Variants in GRIN2B observed in about 807,000 individuals in gnomAD.
GRIN2B encodes glutamate ionotropic receptor NMDA type subunit 2B.
GRIN2B carries 5 observed loss-of-function variants against 114.5 expected under a neutral mutation model. That is an observed-to-expected ratio of 0.04 (90% CI 0.02 to 0.09). The LOEUF (loss-of-function observed/expected upper bound fraction) is 0.09, where lower values mean the gene tolerates loss of function less well. Ranked by LOEUF, GRIN2B falls within the 10% of genes least tolerant of loss-of-function variation. The pLI, the probability that GRIN2B is intolerant of heterozygous loss-of-function variation, is 1.00. For synonymous variants in GRIN2B, 787 were observed against 745.1 expected (o/e 1.06, Z -0.92); for missense variants, 1,108 against 1,943.5 (o/e 0.57, Z 8.08).
intron 2 of GRIN2B, among the ~76,000 whole-genome samples, chr12:13,965,848 C>T (rs984419954): frequency 2.0e-5 from 3 of 152,158 alleles, no homozygotes; most frequent in African/African-American, 7.2e-5. Flanking sequence ...CATGATATGT[C>T]AATCTTTCTT....
intron 4 of GRIN2B, among the ~76,000 whole-genome samples, chr12:13,723,554 G>A (rs2136595753): frequency 6.6e-6 from 1 of 151,632 alleles, no homozygotes; most frequent in South Asian, 2.1e-4. Flanking sequence ...TAAGATAACT[G>A]GCATTAGGAG....
chr12:13,734,257 A>T (rs1404848850), intron 4 of GRIN2B, among the ~76,000 whole-genome samples: 1 of 152,216 alleles, frequency 6.6e-6, no homozygotes, highest in Non-Finnish European at 1.5e-5. Flanking sequence ...TTGTTATAGA[A>T]ATCTAGGCAC....
intron 3 of GRIN2B, among the ~76,000 whole-genome samples, chr12:13,846,644 TATAA>T (rs1865477176): frequency 6.6e-6 from 1 of 152,206 alleles, no homozygotes. Context: ...CTCCCATGCT[TATAA>T]ATAAATAAGA....
rs961566176 is a variant in GRIN2B at position 13,550,974 on chromosome 12, C to T, written c.*11809G>A. Reference sequence around the variant, plus strand: ...TGAAGGGAAACACAGCTGTAAGTGCCCTCATTGACTTCTAAATGCATTTAT... The same window carrying T: ...TGAAGGGAAACACAGCTGTAAGTGCTCTCATTGACTTCTAAATGCATTTAT... On this transcript the variant is annotated 3_prime_UTR_variant, in exon 14 of 14. Transcript: ENST00000609686. 6.6e-6 allele frequency: 1 copy of T among 152,052 alleles called. No individual in the cohort carries two copies. Among genetic ancestry groups the T allele is most frequent in the African/African-American group, 2.4e-5 (1 of 41,414 alleles). 9.4% of individuals were successfully genotyped at this position (152,052 alleles called of 1,614,324 possible).
rs954500567 is a variant in GRIN2B, at chr12:13,559,614, C to T, written c.*3169G>A. 3.3e-5 allele frequency: 5 copies of T among 152,220 alleles called. No individual in the cohort carries two copies. In the East Asian group the frequency reaches 9.6e-4, roughly 29 times the overall value. The allele number at this position is 152,220 out of a possible 1,614,324, so 9.4% of individuals were successfully genotyped here. Reference sequence around the variant, plus strand: ...TCTTGCTAAGGGAATCATCTCACCACTGAGTTTCTAGTGGATCCCATCATC... The same window carrying T: ...TCTTGCTAAGGGAATCATCTCACCATTGAGTTTCTAGTGGATCCCATCATC... On this transcript the variant is annotated 3_prime_UTR_variant, in exon 14 of 14. Transcript: ENST00000609686.
At chr12:13,837,847 A>T (rs1368248668) in intron 3 of GRIN2B, among the ~76,000 whole-genome samples, 2 of 152,152 alleles carry the variant, frequency 1.3e-5, no homozygotes, top group Admixed American at 1.3e-4. Context: ...GTGTGGGGAG[A>T]GGAAGGGGTT....
chr12:13,611,128 C>T (rs1169711945), intron 9 of GRIN2B, among the ~76,000 whole-genome samples: 1 of 152,184 alleles, frequency 6.6e-6, no homozygotes, highest in Non-Finnish European at 1.5e-5. Context: ...GGTCTACCTA[C>T]CCAGGAAATT....
At chr12:13,680,879 T>C (rs774873500) in intron 4 of GRIN2B, among the ~76,000 whole-genome samples, 26 of 152,158 alleles carry the variant, frequency 1.7e-4, no homozygotes, top group Admixed American at 5.2e-4. Flanking sequence ...AGATGATTAA[T>C]CTACCTGCTT....
chr12:13,767,727 G>C (rs775901045), intron 3 of GRIN2B, among the ~76,000 whole-genome samples: 4 of 152,126 alleles, frequency 2.6e-5, no homozygotes, highest in Non-Finnish European at 5.9e-5. Flanking sequence ...GTTTCACACA[G>C]ATGAAAGATA....
In GRIN2B at chr12:13,567,920, TAATC is replaced by T. The variant is rs369956664; in HGVS notation, c.2360-661_2360-658del. On this transcript the variant is annotated intron_variant, in intron 12 of 13. Coordinates refer to ENST00000609686, the MANE Select transcript of GRIN2B (RefSeq NM_000834.5). ...ATATTATAGACAGTGGGGAATAACATAATCAAACGAGTGATTCAGAAAATTGCCC... is the reference window on the plus strand; with the variant it reads ...ATATTATAGACAGTGGGGAATAACATAAACGAGTGATTCAGAAAATTGCCC... Among the ~76,000 whole-genome samples, 30 of 152,118 alleles carry T rather than the reference TAATC, an allele frequency of 2.0e-4. 1 individual carries two copies. In the Middle Eastern group the frequency reaches 0.017, roughly 86 times the overall value.
At chr12:13,916,568 G>A (rs1034954533) in intron 2 of GRIN2B, among the ~76,000 whole-genome samples, 1 of 152,050 alleles carries the variant, frequency 6.6e-6, no homozygotes, top group Non-Finnish European at 1.5e-5. Flanking sequence ...ATATCTATCG[G>A]CCAGGCGTGG....
intron 5 of GRIN2B, among the ~76,000 whole-genome samples, chr12:13,631,801 A>C (rs1949617601): frequency 6.6e-6 from 1 of 152,248 alleles, no homozygotes; most frequent in Non-Finnish European, 1.5e-5. Flanking sequence ...CAGGTAGTCT[A>C]CCATTAAATG....
intron 2 of GRIN2B, among the ~76,000 whole-genome samples, chr12:13,929,987 C>A (rs1358939057): frequency 6.6e-6 from 1 of 151,980 alleles, no homozygotes; most frequent in Non-Finnish European, 1.5e-5. Flanking sequence ...AGACTGAAAC[C>A]ATCCTGGCCA....
Position 13,815,544 on chromosome 12 carries a change from C to T in GRIN2B, c.411+50254G>A, listed in dbSNP as rs149635239. 1.5e-3 allele frequency among the ~76,000 whole-genome samples: 229 copies of T among 152,108 alleles called. 1 individual carries two copies. The highest frequency in any genetic ancestry group is 5.2e-3 in the African/African-American group (217 of 41,480). On this transcript the variant is annotated intron_variant, in intron 3 of 13. Transcript: ENST00000609686. The stretch of plus-strand genomic sequence containing the variant: ...ATTAGAGATGGGAGATTTGGGGATA[C>T]GTGCTAGAAAAACTTGAAGAGACTA...
intron 3 of GRIN2B, among the ~76,000 whole-genome samples, chr12:13,799,879 A>G (rs1864477017): frequency 6.6e-6 from 1 of 152,096 alleles, no homozygotes; most frequent in South Asian, 2.1e-4. Context: ...GGGCAGGGAG[A>G]GAACTCAGGC....
chr12:13,616,725 T>C (rs1263915900), intron 5 of GRIN2B, 68 bp from the exon 6 acceptor site: 7 of 1,274,414 alleles, frequency 5.5e-6, no homozygotes, highest in Non-Finnish European at 8.0e-6. Context: ...TGTCCCAGTA[T>C]TGTCTGAACA....
At position 13,901,812 on chromosome 12, in the gene GRIN2B, A is replaced by G. The variant is rs142794749; in HGVS notation, c.-18-35586T>C. ...ATACACAAAAAATTTCCCTACTCCA[A>G]CTTCAAGTTCATGAGATATTCCTAT... On this transcript the variant is annotated intron_variant, in intron 2 of 13. Transcript: ENST00000609686. 3.1e-3 allele frequency among the ~76,000 whole-genome samples: 471 copies of G among 152,090 alleles called. 3 individuals carry two copies. The highest frequency in any genetic ancestry group is 0.01 in the African/African-American group (430 of 41,514).
At chr12:13,732,684 T>C (rs74065256) in intron 4 of GRIN2B, among the ~76,000 whole-genome samples, 2,026 of 152,332 alleles carry the variant, frequency 0.013, 44 homozygotes, top group African/African-American at 0.045. Context: ...CTGGATCATG[T>C]CTTTTCTATT....
intron 3 of GRIN2B, among the ~76,000 whole-genome samples, chr12:13,756,034 T>TC (rs202111739): frequency 0.011 from 1,743 of 152,012 alleles, 35 homozygotes; most frequent in African/African-American, 0.04. Flanking sequence ...TTCTTTTTTA[T>TC]CCCCCCAGAG....
Sources: gnomAD v4.1 joint callset for allele counts (sites outside exome capture counted in the v4.1 genomes callset) on GRCh38, gnomAD v4.1.1 for gene constraint, MANE v1.5 for transcripts, NCBI Gene and HGNC (gene_info 2026-07-23, HGNC 2026-07-21) for gene names.